The following PLEKHD1 variants were observed in gnomAD, a reference collection of about 807,000 sequenced individuals.
The protein encoded by PLEKHD1 is pleckstrin homology domain-containing family D member 1.
Under a neutral mutation model 69.2 loss-of-function variants are expected in PLEKHD1, and 51 were observed. The observed-to-expected ratio is 0.74, with a 90% CI of 0.59 to 0.93. The LOEUF (loss-of-function observed/expected upper bound fraction) is 0.93. PLEKHD1 is among the 40% of genes least tolerant of loss of function. PLEKHD1 has a pLI of 0.00. For synonymous variants in PLEKHD1, 236 were observed against 244.7 expected, an observed-to-expected ratio of 0.96 and a Z score of 0.33; for missense variants, 584 against 641.0, an observed-to-expected ratio of 0.91 and a Z score of 0.96.
chr14:69,473,409 G>A, the PLEKHD1 span, among the ~76,000 whole-genome samples: 2 of 150,786 alleles, frequency 1.3e-5, no homozygotes, highest in African/African-American at 2.4e-5. Flanking sequence ...CTGACCCTGC[G>A]TGTGTGTAGC....
Position 69,527,910 on chromosome 14 carries a change from G to A in PLEKHD1, c.1329G>A (p.Arg443=), listed in dbSNP as rs760983111. The A allele has an allele frequency of 3.5e-5, 54 of 1,551,454 alleles. No individual in the cohort carries two copies. The Middle Eastern group carries it at 5.0e-4, about 14-fold the overall frequency. Residue 443 remains arginine (R), a synonymous_variant, in exon 12 of 13, where the codon CGG becomes CGA. Transcript: ENST00000322564. ...RIKSCRFHRR[R]SSTSWNDMKP... ...AGAGCTGCCGCTTCCACCGACGCCG[G>A]TCCAGCACCTCCTGGAATGACAGTG...
the PLEKHD1 span, among the ~76,000 whole-genome samples, chr14:69,468,382 A>C: frequency 5.8e-4 from 88 of 152,338 alleles, no homozygotes; most frequent in African/African-American, 1.9e-3. Context: ...ATAGTGAAAA[A>C]GAAGGGCAGA....
At chr14:69,493,498 T>G (rs1017868594) in intron 1 of PLEKHD1, among the ~76,000 whole-genome samples, 2 of 152,256 alleles carry the variant, frequency 1.3e-5, no homozygotes, top group Non-Finnish European at 2.9e-5. Flanking sequence ...AACAAGCACG[T>G]TCACAACTAT....
the PLEKHD1 span, among the ~76,000 whole-genome samples, chr14:69,479,102 G>C: frequency 6.6e-6 from 1 of 152,216 alleles, no homozygotes; most frequent in Admixed American, 6.5e-5. Flanking sequence ...AAGGTGAAAG[G>C]CATGTCTCAC....
intron 7 of PLEKHD1, 86 bp from the exon 8 acceptor site, chr14:69,524,143 G>A (rs1566565813): frequency 2.6e-6 from 3 of 1,133,302 alleles, no homozygotes; most frequent in East Asian, 5.2e-5. Context: ...ATCAGGAAGT[G>A]AAGCAAAAGC....
intron 1 of PLEKHD1, among the ~76,000 whole-genome samples, chr14:69,499,329 A>C (rs1882970145): frequency 6.6e-6 from 1 of 152,068 alleles, no homozygotes; most frequent in Non-Finnish European, 1.5e-5. Context: ...AACAGCACTT[A>C]TTAGCAGGGG....
At chr14:69,514,359 C>T (rs529823113) in intron 6 of PLEKHD1, among the ~76,000 whole-genome samples, 22 of 152,074 alleles carry the variant, frequency 1.4e-4, no homozygotes, top group African/African-American at 5.3e-4. Flanking sequence ...TCCAGTCTCG[C>T]AATGATCCCA....
intron 8 of PLEKHD1, 96 bp downstream of exon 8, chr14:69,524,418 A>G (rs1428994104): frequency 9.3e-7 from 1 of 1,073,526 alleles, no homozygotes; most frequent in Non-Finnish European, 1.4e-6. Flanking sequence ...CCAGGGGGTG[A>G]TCTGTAAGAG....
Position 69,528,467 on chromosome 14 carries a change from A to G in PLEKHD1, c.*48A>G, listed in dbSNP as rs967577192. On this transcript the variant is annotated 3_prime_UTR_variant, in exon 13 of 13. Transcript: ENST00000322564. ...CAAGTCTCCCCTGGATGGGCGGGGG[A>G]GGGGAAGGGGTGGCAGAGGGAGGCC... The G allele has an allele frequency of 6.5e-7, 1 of 1,529,906 alleles. No homozygotes were observed. Among genetic ancestry groups the G allele is most frequent in the African/African-American group, 1.4e-5 (1 of 72,532 alleles). 94.8% of individuals were successfully genotyped at this position (1,529,906 alleles called of 1,614,324 possible).
At chr14:69,524,621 G>A (rs981430727) in intron 8 of PLEKHD1, among the ~76,000 whole-genome samples, 1 of 152,148 alleles carries the variant, frequency 6.6e-6, no homozygotes, top group Non-Finnish European at 1.5e-5. Flanking sequence ...ACCAGATAGA[G>A]GATTGGTTAA....
chr14:69,527,745 C>T, intron 11 of PLEKHD1, 38 bp from the exon 12 acceptor site: 2 of 1,547,726 alleles, frequency 1.3e-6, no homozygotes, highest in South Asian at 1.2e-5. Flanking sequence ...GGTAAGGATG[C>T]AGTCGGAACC....
At chr14:69,522,189 AATCCCAGAGGGTCCCTTGGG>A in intron 6 of PLEKHD1, 74 bp from the exon 7 acceptor site, 1 of 1,186,072 alleles carries the variant, frequency 8.4e-7, no homozygotes, top group Non-Finnish European at 1.2e-6. Context: ...GGCTGTGCTA[AATCCCAGAGGGTCCCTTGGG>A]ATAGAGTGGG....
At chr14:69,485,150 GGA>G in intron 1 of PLEKHD1, 36 bp downstream of exon 1, 1 of 1,537,840 alleles carries the variant, frequency 6.5e-7, no homozygotes, top group Non-Finnish European at 8.8e-7. Flanking sequence ...AGACCGCCGG[GGA>G]GAGAGCCTGG....
At chr14:69,512,575 A>G (rs1299669649) in intron 6 of PLEKHD1, among the ~76,000 whole-genome samples, 1 of 151,992 alleles carries the variant, frequency 6.6e-6, no homozygotes, top group Non-Finnish European at 1.5e-5. Context: ...ACAAATTTTG[A>G]TGAGTTGTAT....
the PLEKHD1 span, among the ~76,000 whole-genome samples, chr14:69,476,257 C>CAAAAA: frequency 7.0e-3 from 542 of 77,240 alleles, 9 homozygotes; most frequent in Middle Eastern, 0.022. Flanking sequence ...GACTCTGTCT[C>CAAAAA]AAAAAAAAAA....
At chr14:69,511,241 C>A (rs566180491) in intron 6 of PLEKHD1, among the ~76,000 whole-genome samples, 2 of 152,176 alleles carry the variant, frequency 1.3e-5, no homozygotes, top group Non-Finnish European at 2.9e-5. Context: ...TAACTGTTAC[C>A]TCTGCCTCCT....
the PLEKHD1 span, among the ~76,000 whole-genome samples, chr14:69,476,822 C>T: frequency 1.2e-4 from 18 of 152,176 alleles, no homozygotes; most frequent in South Asian, 2.1e-4. Flanking sequence ...TCTGTTTTCA[C>T]GCTGCTGATA....
intron 6 of PLEKHD1, among the ~76,000 whole-genome samples, chr14:69,506,777 C>T (rs61982435): frequency 0.11 from 17,363 of 151,808 alleles, 1,134 homozygotes; most frequent in Non-Finnish European, 0.14. Flanking sequence ...TGTTGTACAT[C>T]CTCTGGATTT....
At chr14:69,468,035 T>C in the PLEKHD1 span, among the ~76,000 whole-genome samples, 1 of 152,122 alleles carries the variant, frequency 6.6e-6, no homozygotes, top group African/African-American at 2.4e-5. Context: ...TCAACCCCAC[T>C]CCTTCGAGAA....
Sources: allele counts gnomAD v4.1 joint callset (sites outside exome capture counted in the v4.1 genomes callset), GRCh38; gene constraint gnomAD v4.1.1; transcripts MANE v1.5; gene names NCBI Gene and HGNC (gene_info 2026-07-23, HGNC 2026-07-21).